Variants in PDE4D observed in about 807,000 individuals in gnomAD.
The protein encoded by PDE4D is phosphodiesterase 4D, also known as 3',5'-cyclic-AMP phosphodiesterase 4D.
A neutral mutation model predicts 87.4 loss-of-function variants in PDE4D; 24 were observed. The ratio of observed to expected loss-of-function variants is 0.27; its 90% CI spans 0.20 to 0.39. The LOEUF is 0.39. PDE4D is among the 10% of genes least tolerant of loss of function. PDE4D has a pLI of 1.00. For missense variants in PDE4D, 714 were observed against 1,041.0 expected (o/e 0.69, Z 4.32); for synonymous variants, 384 against 383.2 (o/e 1.00, Z -0.02).
At chr5:59,940,906 C>A (rs1180214860) in intron 3 of PDE4D, among the ~76,000 whole-genome samples, 2 of 149,794 alleles carry the variant, frequency 1.3e-5, no homozygotes, top group Non-Finnish European at 2.9e-5. Flanking sequence ...TTAAATCCAA[C>A]ATCTGGGTCC....
intron 1 of PDE4D, among the ~76,000 whole-genome samples, chr5:59,558,197 A>G (rs774943000): frequency 1.3e-5 from 2 of 152,172 alleles, no homozygotes; most frequent in African/African-American, 4.8e-5. Flanking sequence ...CTTTTGTTGG[A>G]GTTCACATTC....
At chr5:59,360,098 G>A (rs760234874) in intron 1 of PDE4D, among the ~76,000 whole-genome samples, 1 of 152,026 alleles carries the variant, frequency 6.6e-6, no homozygotes, top group Non-Finnish European at 1.5e-5. Flanking sequence ...TTTGGGTTTC[G>A]GTGTCTGACA....
chr5:59,637,441 T>G (rs1342641051), intron 1 of PDE4D, among the ~76,000 whole-genome samples: 1 of 152,082 alleles, frequency 6.6e-6, no homozygotes, highest in Non-Finnish European at 1.5e-5. Context: ...TAGAGACACA[T>G]GCACGTGTAT....
At chr5:59,794,673 G>A (rs573013677) in intron 1 of PDE4D, among the ~76,000 whole-genome samples, 21 of 152,142 alleles carry the variant, frequency 1.4e-4, no homozygotes, top group African/African-American at 5.1e-4. Context: ...AAAATCTCAA[G>A]TGAAAATATA....
intron 2 of PDE4D, among the ~76,000 whole-genome samples, chr5:59,200,792 A>G (rs993303517): frequency 6.6e-6 from 1 of 151,806 alleles, no homozygotes; most frequent in Non-Finnish European, 1.5e-5. Flanking sequence ...TGGGAGATAT[A>G]GAACAACTTA....
rs188092673 is a variant in PDE4D, at chr5:60,317,934, C to A, written c.-89-132247G>T. ...TATGTGGTCAATTTTGGAATAAGTG[C>A]GGTGTGGTACTGAGAAGATGTATAT... On this transcript the variant is annotated intron_variant, in intron 1 of 16. Coordinates refer to the PDE4D transcript ENST00000502484. Among the ~76,000 whole-genome samples, 40 of 152,206 alleles carry A rather than the reference C, an allele frequency of 2.6e-4. No individual in the cohort carries two copies. In the East Asian group the frequency reaches 6.7e-3, roughly 26 times the overall value.
At chr5:59,729,104 G>A (rs1235432519) in intron 1 of PDE4D, among the ~76,000 whole-genome samples, 4 of 152,168 alleles carry the variant, frequency 2.6e-5, no homozygotes, top group Non-Finnish European at 1.5e-5. Flanking sequence ...TATCTTTAGA[G>A]AATGAGAAAG....
chr5:60,126,437 A>G (rs769265309), intron 2 of PDE4D, among the ~76,000 whole-genome samples: 6 of 152,176 alleles, frequency 3.9e-5, no homozygotes, highest in Non-Finnish European at 7.3e-5. Flanking sequence ...CTGAGTATTT[A>G]TTACCACTTC....
chr5:59,561,272 G>T (rs1163346784), intron 1 of PDE4D, among the ~76,000 whole-genome samples: 2 of 152,110 alleles, frequency 1.3e-5, no homozygotes, highest in African/African-American at 4.8e-5. Context: ...ATCCACAGTG[G>T]GGTCGTCCGT....
chr5:60,214,526 C>T (rs547781852), intron 1 of PDE4D, among the ~76,000 whole-genome samples: 2 of 152,166 alleles, frequency 1.3e-5, no homozygotes, highest in Admixed American at 1.3e-4. Flanking sequence ...AGTATAACTA[C>T]TAGATACCAA....
intron 1 of PDE4D, among the ~76,000 whole-genome samples, chr5:59,724,333 A>C (rs1341894021): frequency 1.3e-5 from 2 of 152,140 alleles, no homozygotes; most frequent in Non-Finnish European, 2.9e-5. Context: ...TGATAGAGAA[A>C]GATAATTTTT....
At chr5:59,423,080 G>GTC (rs1455076201) in intron 1 of PDE4D, among the ~76,000 whole-genome samples, 1 of 152,124 alleles carries the variant, frequency 6.6e-6, no homozygotes, top group African/African-American at 2.4e-5. Context: ...GAAAACAGTA[G>GTC]TCTCCCCTAC....
intron 1 of PDE4D, among the ~76,000 whole-genome samples, chr5:60,511,762 G>C (rs918807742): frequency 6.6e-6 from 1 of 151,702 alleles, no homozygotes; most frequent in African/African-American, 2.4e-5. Context: ...ATTCATAATT[G>C]TCACATTATA....
intron 5 of PDE4D, among the ~76,000 whole-genome samples, chr5:59,111,881 T>G (rs933873201): frequency 2.0e-5 from 3 of 152,248 alleles, no homozygotes; most frequent in African/African-American, 7.2e-5. Context: ...GCTGAGGCAC[T>G]GTTGTGTATA....
At chr5:59,394,700 A>C (rs1313992412) in intron 1 of PDE4D, among the ~76,000 whole-genome samples, 2 of 152,174 alleles carry the variant, frequency 1.3e-5, no homozygotes, top group African/African-American at 4.8e-5. Context: ...AAATCTATCA[A>C]CTTTATGAAT....
intron 1 of PDE4D, among the ~76,000 whole-genome samples, chr5:59,420,552 G>A (rs1794310468): frequency 6.6e-6 from 1 of 152,000 alleles, no homozygotes; most frequent in South Asian, 2.1e-4. Flanking sequence ...GAAACATCAG[G>A]GAGAAGCAAA....
chr5:59,739,292 C>A (rs1408739369), intron 1 of PDE4D, among the ~76,000 whole-genome samples: 1 of 151,950 alleles, frequency 6.6e-6, no homozygotes, highest in East Asian at 1.9e-4. Context: ...TGGTGGTGCA[C>A]ACCTGTAGTC....
chr5:60,262,158 G>A (rs572328565), intron 1 of PDE4D, among the ~76,000 whole-genome samples: 9 of 152,106 alleles, frequency 5.9e-5, no homozygotes, highest in Middle Eastern at 3.4e-3. Context: ...ACTGAATTAC[G>A]GCCCTGAAAT....
Position 59,065,057 on chromosome 5 carries a change from GATATAT to G in PDE4D, c.809-26092_809-26087del, listed in dbSNP as rs149103045. The stretch of plus-strand genomic sequence containing the variant: ...ACAGATGAATGGACAAAGGAAATGT[GATATAT>G]ATATACACACACACACACACACACA... On this transcript the variant is annotated intron_variant, in intron 5 of 14. Transcript: ENST00000340635. Among the ~76,000 whole-genome samples the G allele has an allele frequency of 4.1e-3, 95 of 23,310 alleles. 1 individual carries two copies. Among genetic ancestry groups the G allele is most frequent in the East Asian group, 7.9e-3 (5 of 634 alleles). The allele number at this position is 23,310 out of a possible 152,430, so 15.3% of individuals were successfully genotyped here.
Sources: allele counts gnomAD v4.1 joint callset (sites outside exome capture counted in the v4.1 genomes callset), GRCh38; gene constraint gnomAD v4.1.1; transcripts MANE v1.5; gene names NCBI Gene and HGNC (gene_info 2026-07-23, HGNC 2026-07-21).